The following CCNH variants were observed in gnomAD, a reference collection of about 807,000 sequenced individuals.
The protein encoded by CCNH is cyclin H, also known as cyclin-H.
In CCNH, 31 loss-of-function variants were observed where a neutral mutation model predicts 41.9. That is an observed-to-expected ratio of 0.74 (90% CI 0.56 to 1.00). The LOEUF is 1.00. Ranked by LOEUF, CCNH falls within the 50% of genes least tolerant of loss-of-function variation. The pLI, the probability that CCNH is intolerant of heterozygous loss-of-function variation, is 0.00. For missense variants in CCNH, 362 were observed against 388.4 expected (o/e 0.93, Z 0.57); for synonymous variants, 138 against 136.1 (o/e 1.01, Z -0.10).
At chr5:87,389,319 G>A (rs150203382), downstream of CCNH, 2,902 of 1,577,292 alleles carry the variant, frequency 1.8e-3, 24 homozygotes, top group East Asian at 0.014. Context: ...CAACAAGAGC[G>A]AAACTCTGTC....
chr5:87,343,515 T>A (rs2112405384), intron 9 of CCNH, among the ~76,000 whole-genome samples: 1 of 152,222 alleles, frequency 6.6e-6, no homozygotes, highest in African/African-American at 2.4e-5. Context: ...AAAACTACAA[T>A]GAGATTTCAT....
chr5:87,402,807 A>G (rs1276504548), intron 5 of CCNH, among the ~76,000 whole-genome samples: 1 of 152,044 alleles, frequency 6.6e-6, no homozygotes, highest in Non-Finnish European at 1.5e-5. Context: ...CATTTTTGTC[A>G]TCTTCCTTTA....
intron 9 of CCNH, among the ~76,000 whole-genome samples, chr5:87,366,928 AGAGT>A (rs1760569853): frequency 6.6e-6 from 1 of 152,152 alleles, no homozygotes; most frequent in Non-Finnish European, 1.5e-5. Flanking sequence ...CCTACTCAGG[AGAGT>A]GAGGTATGAG....
upstream of CCNH, among the ~76,000 whole-genome samples, chr5:87,377,550 T>C (rs1366776284): frequency 6.6e-6 from 1 of 152,144 alleles, no homozygotes; most frequent in Non-Finnish European, 1.5e-5. Flanking sequence ...TTGGCCAGGC[T>C]GGTCTTGAAC....
At chr5:87,385,963 T>C (rs1455676382) in intron 9 of CCNH, among the ~76,000 whole-genome samples, 1 of 152,054 alleles carries the variant, frequency 6.6e-6, no homozygotes, top group Non-Finnish European at 1.5e-5. Flanking sequence ...CTTTCATACT[T>C]ACTCAATTAT....
chr5:87,324,499 G>C (rs1757070486), intron 9 of CCNH, among the ~76,000 whole-genome samples: 1 of 152,330 alleles, frequency 6.6e-6, no homozygotes, highest in Non-Finnish European at 1.5e-5. Flanking sequence ...GGTGGACAGA[G>C]TGTATGATAG....
intron 3 of CCNH, 59 bp from the exon 4 acceptor site, chr5:87,408,245 T>C: frequency 2.5e-6 from 2 of 808,246 alleles, no homozygotes; most frequent in South Asian, 3.6e-5. Flanking sequence ...AGAACATGCA[T>C]ATACTTTGAG....
chr5:87,407,425 G>A (rs986150891), intron 4 of CCNH, among the ~76,000 whole-genome samples: 4 of 152,032 alleles, frequency 2.6e-5, no homozygotes, highest in African/African-American at 4.8e-5. Context: ...GATTTGATTC[G>A]ACTCAGACTA....
At chr5:87,326,096 C>T (rs543867401) in intron 9 of CCNH, among the ~76,000 whole-genome samples, 8 of 152,168 alleles carry the variant, frequency 5.3e-5, no homozygotes, top group African/African-American at 1.9e-4. Context: ...CTCAGCCTCT[C>T]GAGTAGCTGG....
intron 5 of CCNH, among the ~76,000 whole-genome samples, chr5:87,404,381 A>C (rs1763637486): frequency 6.6e-6 from 1 of 152,232 alleles, no homozygotes; most frequent in Non-Finnish European, 1.5e-5. Context: ...ATTTCTAGGA[A>C]TGAAATCAAG....
intron 9 of CCNH, among the ~76,000 whole-genome samples, chr5:87,357,728 A>G (rs1399933715): frequency 6.6e-6 from 1 of 152,162 alleles, no homozygotes; most frequent in Non-Finnish European, 1.5e-5. Context: ...AACAAATAGT[A>G]TGTGGCATCT....
intron 9 of CCNH, chr5:87,353,222 C>A: frequency 1.9e-6 from 3 of 1,606,468 alleles, no homozygotes; most frequent in Non-Finnish European, 2.6e-6. Context: ...CTTAAGGAAC[C>A]TGTACCAATG....
At chr5:87,353,743 G>A (rs767937925) in intron 9 of CCNH, among the ~76,000 whole-genome samples, 2 of 152,024 alleles carry the variant, frequency 1.3e-5, no homozygotes, top group Non-Finnish European at 2.9e-5. Context: ...GATGGGTGGT[G>A]GCAATGTCTT....
chr5:87,378,591 GTAA>G, upstream of CCNH: 11 of 1,497,290 alleles, frequency 7.3e-6, no homozygotes, highest in East Asian at 2.4e-5. Flanking sequence ...ATTTTAATAG[GTAA>G]TAATTTGTAG....
intron 4 of CCNH, among the ~76,000 whole-genome samples, chr5:87,407,730 G>A (rs1179108339): frequency 1.3e-5 from 2 of 152,026 alleles, no homozygotes; most frequent in Non-Finnish European, 1.5e-5. Context: ...ACTTAAATGA[G>A]ATTGCAGATC....
chr5:87,357,989 TTAG>T (rs1759782824), intron 9 of CCNH, among the ~76,000 whole-genome samples: 1 of 152,312 alleles, frequency 6.6e-6, no homozygotes, highest in African/African-American at 2.4e-5. Context: ...AAAGTTGGTT[TTAG>T]TAGAAGTTTG....
downstream of CCNH, among the ~76,000 whole-genome samples, chr5:87,390,188 T>C (rs548329927): frequency 1.1e-3 from 175 of 152,298 alleles, 2 homozygotes; most frequent in African/African-American, 4.1e-3. Context: ...ATTGGAGATA[T>C]AGAACAAAAT....
At chr5:87,329,420 C>T (rs564667019) in intron 9 of CCNH, among the ~76,000 whole-genome samples, 10 of 151,860 alleles carry the variant, frequency 6.6e-5, no homozygotes, top group African/African-American at 1.9e-4. Context: ...CCAGCCTGGG[C>T]GACAGAGTGA....
intron 7 of CCNH, among the ~76,000 whole-genome samples, chr5:87,398,266 T>C (rs1249483438): frequency 6.6e-6 from 1 of 152,180 alleles, no homozygotes; most frequent in South Asian, 2.1e-4. Context: ...TACAACTGTA[T>C]AGGTAAGGAA....
Sources: allele counts gnomAD v4.1 joint callset (sites outside exome capture counted in the v4.1 genomes callset), GRCh38; gene constraint gnomAD v4.1.1; transcripts MANE v1.5; gene names NCBI Gene and HGNC (gene_info 2026-07-23, HGNC 2026-07-21).